Variants in C10orf67 observed in about 807,000 individuals in gnomAD.
C10orf67 encodes the protein uncharacterized protein C10orf67, mitochondrial.
In C10orf67, 60 loss-of-function variants were observed where a neutral mutation model predicts 35.6. That is an observed-to-expected ratio of 1.68 (90% CI 1.37 to 2.09). C10orf67 has a LOEUF of 2.09. Ranked by LOEUF, C10orf67 falls within the 30% of genes most tolerant of loss-of-function variation. The probability of loss-of-function intolerance (pLI) is 0.00; values close to 1 mark genes in which losing one functional copy is unlikely to be tolerated. For missense variants in C10orf67, 474 were observed against 330.2 expected (o/e 1.44, Z -3.38); for synonymous variants, 167 against 115.8 (o/e 1.44, Z -2.84).
intron 1 of C10orf67, among the ~76,000 whole-genome samples, chr10:23,334,017 G>A (rs1216889427): frequency 3.3e-5 from 5 of 152,064 alleles, no homozygotes; most frequent in Non-Finnish European, 5.9e-5. Flanking sequence ...ACACATACCT[G>A]ATTTATCCTT....
At chr10:23,339,515 A>C (rs1190157275) in intron 1 of C10orf67, among the ~76,000 whole-genome samples, 1 of 151,936 alleles carries the variant, frequency 6.6e-6, no homozygotes, top group Non-Finnish European at 1.5e-5. Flanking sequence ...ACCTTTCAGC[A>C]AGTTTCGCAG....
intron 13 of C10orf67, among the ~76,000 whole-genome samples, chr10:23,224,891 G>T (rs535523549): frequency 1.3e-5 from 2 of 152,324 alleles, no homozygotes; most frequent in African/African-American, 2.4e-5. Context: ...ATCTATGTCT[G>T]ATTGGTGTAC....
chr10:23,338,335 TGCTG>T, intron 1 of C10orf67, among the ~76,000 whole-genome samples: 1 of 152,128 alleles, frequency 6.6e-6, no homozygotes, highest in Non-Finnish European at 1.5e-5. Flanking sequence ...CTACCACAGG[TGCTG>T]AGTGTCTAAC....
chr10:23,325,676 A>G lies in C10orf67; in HGVS notation c.328-3139T>C, dbSNP rs1031947560. Reference sequence around the variant, plus strand: ...ATATAATCCAAATTACTTGGATTATATATATAAAAAAAAAAAACAGGAAAA... The same window carrying G: ...ATATAATCCAAATTACTTGGATTATGTATATAAAAAAAAAAAACAGGAAAA... On this transcript the variant is annotated intron_variant, in intron 2 of 15. Coordinates refer to ENST00000636213, the MANE Select transcript of C10orf67 (RefSeq NM_001371909.1). Among the ~76,000 whole-genome samples the G allele has an allele frequency of 1.4e-4, 15 of 105,076 alleles. No homozygotes were observed. In the East Asian group the frequency reaches 5.8e-3, roughly 41 times the overall value. The allele number at this position is 105,076 out of a possible 152,430, so 68.9% of individuals were successfully genotyped here. A position where few individuals can be genotyped will look rare whatever the true frequency, so the allele number is the denominator to read the frequency against.
At chr10:23,237,450 A>G (rs1267727652) in intron 13 of C10orf67, among the ~76,000 whole-genome samples, 1 of 152,146 alleles carries the variant, frequency 6.6e-6, no homozygotes, top group Non-Finnish European at 1.5e-5. Flanking sequence ...AACTTTCACA[A>G]GTGATTTGTA....
intron 13 of C10orf67, among the ~76,000 whole-genome samples, chr10:23,225,415 A>T (rs1243634584): frequency 6.6e-6 from 1 of 152,204 alleles, no homozygotes; most frequent in Non-Finnish European, 1.5e-5. Flanking sequence ...CTGCAAAAAC[A>T]TGCCAAATTG....
intron 1 of C10orf67, among the ~76,000 whole-genome samples, chr10:23,341,650 C>T (rs938793868): frequency 1.3e-5 from 2 of 152,174 alleles, no homozygotes; most frequent in African/African-American, 4.8e-5. Context: ...CCACAGGCAC[C>T]GTCCCCCTTC....
chr10:23,216,071 C>T (rs1326765959), intron 15 of C10orf67, among the ~76,000 whole-genome samples: 1 of 152,138 alleles, frequency 6.6e-6, no homozygotes, highest in African/African-American at 2.4e-5. Flanking sequence ...TGCTCTATTA[C>T]AGTACTGGAA....
intron 5 of C10orf67, among the ~76,000 whole-genome samples, chr10:23,302,434 G>A (rs1438798734): frequency 1.3e-5 from 2 of 152,058 alleles, no homozygotes; most frequent in African/African-American, 4.8e-5. Context: ...CCCTGTCTCT[G>A]CCTCTTCATC....
Position 23,334,559 on chromosome 10 carries a change from G to C in C10orf67, c.207-1377C>G, listed in dbSNP as rs1781112142. On this transcript the variant is annotated intron_variant, in intron 1 of 15. Transcript: ENST00000636213. ...CTTCTTGCATGCTGGCCAAACCTCA[G>C]ATTTGTCCCCCACAGAACTCAGATG... 2.6e-5 allele frequency among the ~76,000 whole-genome samples: 4 copies of C among 152,220 alleles called. No homozygotes were observed. In the South Asian group the frequency reaches 8.3e-4, roughly 32 times the overall value.
At chr10:23,216,869 T>C (rs916167786) in intron 15 of C10orf67, among the ~76,000 whole-genome samples, 1 of 152,152 alleles carries the variant, frequency 6.6e-6, no homozygotes, top group Non-Finnish European at 1.5e-5. Flanking sequence ...AGTGGTTACC[T>C]CTGGGGAGAG....
At chr10:23,271,713 T>C (rs1215721340) in intron 8 of C10orf67, among the ~76,000 whole-genome samples, 1 of 152,238 alleles carries the variant, frequency 6.6e-6, no homozygotes, top group Non-Finnish European at 1.5e-5. Flanking sequence ...TTGCCATCTA[T>C]ATATCTTTTT....
At chr10:23,324,669 T>A (rs902874153) in intron 2 of C10orf67, among the ~76,000 whole-genome samples, 1 of 152,168 alleles carries the variant, frequency 6.6e-6, no homozygotes, top group African/African-American at 2.4e-5. Context: ...TTGAGGAGGA[T>A]TGCTTCTGCT....
intron 10 of C10orf67, among the ~76,000 whole-genome samples, chr10:23,255,874 A>G (rs1198485312): frequency 1.3e-5 from 2 of 152,226 alleles, no homozygotes; most frequent in Admixed American, 6.5e-5. Context: ...ATCTGCATCA[A>G]GACTTGTCTG....
chr10:23,297,261 CCTTTCCTT>C (rs1843913721), intron 5 of C10orf67, among the ~76,000 whole-genome samples: 2 of 140,596 alleles, frequency 1.4e-5, no homozygotes, highest in African/African-American at 5.3e-5. Context: ...CCTTTCCTTT[CCTTTCCTT>C]TCTGATGACC....
chr10:23,305,164 T>C (rs1268316992), intron 4 of C10orf67, among the ~76,000 whole-genome samples: 1 of 152,082 alleles, frequency 6.6e-6, no homozygotes, highest in East Asian at 1.9e-4. Context: ...AACATGACAC[T>C]CTCAAGAAAA....
chr10:23,326,577 T>C (rs890437309), intron 2 of C10orf67, among the ~76,000 whole-genome samples: 6 of 152,134 alleles, frequency 3.9e-5, no homozygotes, highest in African/African-American at 1.4e-4. Flanking sequence ...AAATTGTAAA[T>C]ATCTAGGTAC....
chr10:23,224,174 A>G (rs1344150878), intron 13 of C10orf67, among the ~76,000 whole-genome samples: 1 of 152,200 alleles, frequency 6.6e-6, no homozygotes, highest in Non-Finnish European at 1.5e-5. Context: ...CCCCTCTGAG[A>G]CGAAGCTTCC....
At chr10:23,328,020 T>C (rs1435567721) in intron 2 of C10orf67, among the ~76,000 whole-genome samples, 1 of 152,108 alleles carries the variant, frequency 6.6e-6, no homozygotes, top group African/African-American at 2.4e-5. Context: ...ATTTAATAAC[T>C]TTCTTATTAT....
Sources: allele counts gnomAD v4.1 joint callset (sites outside exome capture counted in the v4.1 genomes callset), GRCh38; gene constraint gnomAD v4.1.1; transcripts MANE v1.5; gene names NCBI Gene and HGNC (gene_info 2026-07-23, HGNC 2026-07-21).